MAGI3: variants seen among roughly 807,000 people sequenced by gnomAD.
MAGI3 encodes membrane associated guanylate kinase, WW and PDZ domain containing 3.
A neutral mutation model predicts 121.8 loss-of-function variants in MAGI3; 43 were observed. The ratio of observed to expected loss-of-function variants is 0.35; its 90% CI spans 0.28 to 0.46. The LOEUF is 0.46. MAGI3 is among the 20% of genes least tolerant of loss of function. The probability of loss-of-function intolerance (pLI) is 1.00; values close to 1 mark genes in which losing one functional copy is unlikely to be tolerated. For synonymous variants in MAGI3, 553 were observed against 639.3 expected (o/e 0.86, Z 2.04); for missense variants, 1,547 against 1,797.3 (o/e 0.86, Z 2.52).
intron 1 of MAGI3, among the ~76,000 whole-genome samples, chr1:113,416,099 T>G (rs1262179886): frequency 0.015 from 2,032 of 134,442 alleles, 8 homozygotes; most frequent in Non-Finnish European, 0.022. Flanking sequence ...ATTATGTAAT[T>G]AATGACACAT....
Position 113,422,668 on chromosome 1 carries a change from G to A in MAGI3, c.316+31319G>A, listed in dbSNP as rs532766746. Among the ~76,000 whole-genome samples the A allele has an allele frequency of 1.2e-4, 18 of 152,340 alleles. No individual in the cohort carries two copies. Among genetic ancestry groups the A allele is most frequent in the Admixed American group, 1.2e-3 (18 of 15,304 alleles). On this transcript the variant is annotated intron_variant, in intron 1 of 20. Transcript: ENST00000307546. The surrounding 1 kb of genome is among the most constrained non-coding windows in gnomAD (Gnocchi z 4.3). ...ACATACCGCAAGCAGCTTCTGCTGC[G>A]GGCACTAGTGTCTGGATAAGGGAAC...
chr1:113,493,423 A>T (rs1570755897), intron 1 of MAGI3, among the ~76,000 whole-genome samples: 3 of 152,164 alleles, frequency 2.0e-5, no homozygotes, highest in Non-Finnish European at 4.4e-5. Flanking sequence ...AACTATAAAA[A>T]CGTTGGAAGA....
At chr1:113,622,749 G>C in intron 8 of MAGI3, 57 bp from the exon 9 acceptor site, 2 of 1,329,582 alleles carry the variant, frequency 1.5e-6, no homozygotes, top group East Asian at 5.3e-5. Context: ...TTGACTCTGA[G>C]TGCTATATTC....
intron 1 of MAGI3, among the ~76,000 whole-genome samples, chr1:113,407,955 T>A (rs1651776751): frequency 6.6e-6 from 1 of 152,158 alleles, no homozygotes; most frequent in Non-Finnish European, 1.5e-5. Flanking sequence ...GGAAAGTACC[T>A]TCTAATGTTG....
intron 1 of MAGI3, among the ~76,000 whole-genome samples, chr1:113,445,599 A>G (rs1270231038): frequency 6.6e-6 from 1 of 152,162 alleles, no homozygotes; most frequent in African/African-American, 2.4e-5. Context: ...GCAAGACCCT[A>G]TCTCTTAAAA....
At chr1:113,605,053 T>C (rs1395181415) in intron 6 of MAGI3, among the ~76,000 whole-genome samples, 1 of 151,358 alleles carries the variant, frequency 6.6e-6, no homozygotes, top group Non-Finnish European at 1.5e-5. Flanking sequence ...ATTAATGAGA[T>C]TTTAGAGCAA....
chr1:113,633,928 C>A (rs1651829781), intron 9 of MAGI3, among the ~76,000 whole-genome samples: 1 of 152,162 alleles, frequency 6.6e-6, no homozygotes, highest in African/African-American at 2.4e-5. Flanking sequence ...GATCACCATT[C>A]TAACTGGTGT....
chr1:113,643,381 G>T (rs376132470), intron 10 of MAGI3, among the ~76,000 whole-genome samples: 2 of 152,144 alleles, frequency 1.3e-5, no homozygotes, highest in East Asian at 3.9e-4. Context: ...TCCAAGTAAG[G>T]TAGAAATCTC....
intron 1 of MAGI3, among the ~76,000 whole-genome samples, chr1:113,484,592 T>C (rs1405252611): frequency 6.6e-6 from 1 of 151,614 alleles, no homozygotes; most frequent in Non-Finnish European, 1.5e-5. Flanking sequence ...TTATTTTTTA[T>C]GGCTGAGCAG....
chr1:113,643,846 G>A, intron 11 of MAGI3, 72 bp downstream of exon 11: 2 of 1,418,002 alleles, frequency 1.4e-6, no homozygotes, highest in Middle Eastern at 1.8e-4. Flanking sequence ...CTCTGTAAGA[G>A]GAGCTCACTG....
intron 1 of MAGI3, among the ~76,000 whole-genome samples, chr1:113,542,699 T>C (rs1235422772): frequency 7.9e-5 from 12 of 152,112 alleles, no homozygotes; most frequent in Admixed American, 7.9e-4. Context: ...CTCTATAAGC[T>C]TATGCAAAAG....
chr1:113,464,913 G>C (rs1655202215), intron 1 of MAGI3, among the ~76,000 whole-genome samples: 1 of 152,068 alleles, frequency 6.6e-6, no homozygotes, highest in South Asian at 2.1e-4. Flanking sequence ...TTGTCATATG[G>C]ATAATTTGCA....
intron 3 of MAGI3, 104 bp from the exon 4 acceptor site, chr1:113,585,283 C>T: frequency 9.1e-7 from 1 of 1,101,830 alleles, no homozygotes; most frequent in South Asian, 1.5e-5. Context: ...GTAGATATTT[C>T]AAAACTTCTT....
intron 4 of MAGI3, among the ~76,000 whole-genome samples, chr1:113,588,637 G>A (rs1346632619): frequency 6.6e-6 from 1 of 152,138 alleles, no homozygotes; most frequent in East Asian, 1.9e-4. Context: ...TACCAGTTAG[G>A]AGGTTATTGA....
intron 6 of MAGI3, among the ~76,000 whole-genome samples, chr1:113,612,185 G>A (rs555434844): frequency 8.4e-4 from 128 of 152,026 alleles, no homozygotes; most frequent in East Asian, 1.9e-3. Context: ...CTCATGATCC[G>A]CCCGCCTTGG....
chr1:113,456,117 ATTTTTTTTTTT>A (rs35038942), intron 1 of MAGI3, among the ~76,000 whole-genome samples: 10 of 113,248 alleles, frequency 8.8e-5, no homozygotes, highest in African/African-American at 3.2e-4. Flanking sequence ...CGCCCGGCTA[ATTTTTTTTTTT>A]TTTTTTTTTT....
intron 14 of MAGI3, among the ~76,000 whole-genome samples, 160 bp from the exon 15 acceptor site, chr1:113,653,670 T>C (rs897449839): frequency 6.6e-6 from 1 of 152,202 alleles, no homozygotes; most frequent in African/African-American, 2.4e-5. Context: ...TGCCTACATC[T>C]GCACTCAGAT....
intron 4 of MAGI3, among the ~76,000 whole-genome samples, chr1:113,589,557 T>C (rs891576911): frequency 3.9e-5 from 6 of 151,926 alleles, no homozygotes; most frequent in African/African-American, 1.4e-4. Context: ...AGCAGGGCAA[T>C]GGGGAAATGG....
In MAGI3 at chr1:113,391,322, C is replaced by G; in HGVS notation, c.289C>G (p.Pro97Ala). 3 of 1,598,296 alleles carry G rather than the reference C, an allele frequency of 1.9e-6. No homozygotes were observed. The highest frequency in any genetic ancestry group is 1.1e-5 in the South Asian group (1 of 88,400). Residue 97 changes from proline (P) to alanine (A), a missense_variant, in exon 1 of 21, where the codon CCC (proline) becomes GCC (alanine). Pro to Ala is a conservative substitution (Grantham distance 27). Coordinates refer to ENST00000307546, the MANE Select transcript of MAGI3 (RefSeq NM_001142782.2). This position sits in a 1 kb window ranked among gnomAD's most constrained non-coding sequence, Gnocchi z 4.4. ...TLAVIRHFREPIRLKTVKPGK... is the reference protein window; with the variant it reads ...TLAVIRHFREAIRLKTVKPGK... ...GGCTGTCATCCGCCACTTCCGCGAG[C>G]CCATCCGTCTCAAGACTGTGAAACC...
Sources: gnomAD v4.1 joint callset for allele counts (sites outside exome capture counted in the v4.1 genomes callset) on GRCh38, gnomAD v4.1.1 for gene constraint, Gnocchi (gnomAD v3.1) non-coding constraint, MANE v1.5 for transcripts, NCBI Gene and HGNC (gene_info 2026-07-23, HGNC 2026-07-21) for gene names.